Variants in GALNT17 observed in about 807,000 individuals in gnomAD.
The protein encoded by GALNT17 is polypeptide N-acetylgalactosaminyltransferase 17, also known as UDP-GalNAc:polypeptide N-acetylgalactosaminyltransferase-like 3.
GALNT17 carries 29 observed loss-of-function variants against 63.7 expected under a neutral mutation model. That is an observed-to-expected ratio of 0.46 (90% CI 0.34 to 0.62). GALNT17 has a LOEUF of 0.62. Ranked by LOEUF, GALNT17 falls within the 20% of genes least tolerant of loss-of-function variation. GALNT17 has a pLI of 0.01. For missense variants in GALNT17, 603 were observed against 799.6 expected (o/e 0.75, Z 2.97); for synonymous variants, 305 against 318.3 (o/e 0.96, Z 0.45).
chr7:71,411,907 T>C (rs547262553), intron 3 of GALNT17, among the ~76,000 whole-genome samples: 13 of 152,342 alleles, frequency 8.5e-5, no homozygotes, highest in Admixed American at 2.6e-4. Flanking sequence ...ATAAAATGAA[T>C]GCACATATCC....
chr7:71,403,095 G>C (rs1455138293), intron 3 of GALNT17, among the ~76,000 whole-genome samples: 3 of 152,190 alleles, frequency 2.0e-5, no homozygotes, highest in Non-Finnish European at 2.9e-5. Context: ...AGGGAGGAAA[G>C]AATGAGAGTG....
intron 9 of GALNT17, among the ~76,000 whole-genome samples, chr7:71,702,437 G>C (rs1284028838): frequency 6.6e-6 from 1 of 152,136 alleles, no homozygotes. Flanking sequence ...TCAAGGAAAA[G>C]TCTCAGCAAA....
chr7:71,467,775 A>C (rs1787560974), intron 5 of GALNT17, among the ~76,000 whole-genome samples: 1 of 148,756 alleles, frequency 6.7e-6, no homozygotes, highest in Non-Finnish European at 1.5e-5. Context: ...AAAAAAAAAC[A>C]AACAAAAAAA....
chr7:71,238,494 G>A (rs1009972999), intron 1 of GALNT17, among the ~76,000 whole-genome samples: 2 of 152,008 alleles, frequency 1.3e-5, no homozygotes, highest in African/African-American at 4.8e-5. Flanking sequence ...CAAAGTGTTG[G>A]GGTTACAGGC....
chr7:71,420,692 G>A (rs932781498), intron 4 of GALNT17, among the ~76,000 whole-genome samples: 2 of 152,156 alleles, frequency 1.3e-5, no homozygotes, highest in Non-Finnish European at 2.9e-5. Flanking sequence ...TCCAACAAGG[G>A]GAAAGGGGTG....
intron 3 of GALNT17, among the ~76,000 whole-genome samples, chr7:71,393,768 A>G (rs1189644884): frequency 6.6e-6 from 1 of 152,156 alleles, no homozygotes; most frequent in Non-Finnish European, 1.5e-5. Flanking sequence ...CAGTTTGAAT[A>G]TTGACATTGG....
intron 1 of GALNT17, among the ~76,000 whole-genome samples, chr7:71,218,342 G>A (rs925048262): frequency 1.3e-5 from 2 of 152,154 alleles, no homozygotes; most frequent in Admixed American, 1.3e-4. Flanking sequence ...ATCTTCTGTT[G>A]TGTTTTTGTT....
chr7:71,159,192 C>G (rs974158695), intron 1 of GALNT17, among the ~76,000 whole-genome samples: 3 of 151,664 alleles, frequency 2.0e-5, no homozygotes, highest in Non-Finnish European at 4.4e-5. Context: ...GGAATAGACT[C>G]TGAAATTATT....
At chr7:71,265,745 G>A (rs563551105) in intron 1 of GALNT17, among the ~76,000 whole-genome samples, 1 of 152,294 alleles carries the variant, frequency 6.6e-6, no homozygotes, top group Admixed American at 6.5e-5. Flanking sequence ...ATGGGTGGAG[G>A]CGTGGTGGGA....
intron 5 of GALNT17, among the ~76,000 whole-genome samples, chr7:71,461,961 G>T (rs931884933): frequency 6.6e-6 from 1 of 152,162 alleles, no homozygotes; most frequent in Non-Finnish European, 1.5e-5. Flanking sequence ...GGCTTAATTG[G>T]CTCAGTGTCC....
chr7:71,524,735 A>G (rs1263917994), intron 5 of GALNT17, among the ~76,000 whole-genome samples: 1 of 152,174 alleles, frequency 6.6e-6, no homozygotes, highest in East Asian at 1.9e-4. Flanking sequence ...ATCTTCCTGA[A>G]ATTAACATGG....
At position 71,183,635 on chromosome 7, in the gene GALNT17, G is replaced by A. The variant is rs1032009059; in HGVS notation, c.238+50595G>A. Among the ~76,000 whole-genome samples, 4 of 152,220 alleles carry A rather than the reference G, an allele frequency of 2.6e-5. No homozygotes were observed. The East Asian group carries it at 5.8e-4, about 22-fold the overall frequency. ...TTCTGTAAAAACCAACACACATTGCGCCTGTAATCCCAGCACTTTGGTAGG... is the reference window on the plus strand; with the variant it reads ...TTCTGTAAAAACCAACACACATTGCACCTGTAATCCCAGCACTTTGGTAGG... On this transcript the variant is annotated intron_variant, in intron 1 of 10. Transcript: ENST00000333538.
At chr7:71,550,382 GT>G (rs142501817) in intron 5 of GALNT17, among the ~76,000 whole-genome samples, 11,598 of 151,498 alleles carry the variant, frequency 0.077, 618 homozygotes, top group East Asian at 0.24. Flanking sequence ...TTTTGTGTGT[GT>G]TTTTTTTGTT....
chr7:71,228,922 G>C (rs1387473421), intron 1 of GALNT17, among the ~76,000 whole-genome samples: 2 of 151,796 alleles, frequency 1.3e-5, no homozygotes. Flanking sequence ...TCCCTCCTCG[G>C]CAAAGTACTG....
chr7:71,155,471 G>A (rs182778929), intron 1 of GALNT17, among the ~76,000 whole-genome samples: 2 of 151,546 alleles, frequency 1.3e-5, no homozygotes, highest in South Asian at 2.1e-4. Context: ...AGAGGGTTTC[G>A]CCATGTTGCC....
Position 71,646,747 on chromosome 7 carries a change from C to CTTTTTTTTTTTTTT in GALNT17, c.1081-18660_1081-18647dup, listed in dbSNP as rs60956531. Among the ~76,000 whole-genome samples, 2 of 128,110 alleles carry CTTTTTTTTTTTTTT rather than the reference C, an allele frequency of 1.6e-5. 1 individual carries two copies. The highest frequency in any genetic ancestry group is 3.2e-5 in the Non-Finnish European group (2 of 63,248). 84.0% of individuals were successfully genotyped at this position (128,110 alleles called of 152,430 possible). On this transcript the variant is annotated intron_variant, in intron 6 of 10. Coordinates refer to ENST00000333538, the MANE Select transcript of GALNT17 (RefSeq NM_022479.3). ...GTCCCAAAAGGGGCATCCAAGTTTC[C>CTTTTTTTTTTTTTT]TTTTTTTTTTTTTTTTTGAGATAGA...
chr7:71,229,520 G>T lies in GALNT17; in HGVS notation c.238+96480G>T, dbSNP rs1011740138. Among the ~76,000 whole-genome samples the T allele has an allele frequency of 6.6e-5, 10 of 152,330 alleles. No homozygotes were observed. In the South Asian group the frequency reaches 1.5e-3, roughly 22 times the overall value. ...TTGTGAGCTTGGCTCTCTGATAGCC[G>T]ATGAGTCTGAAGAGTAAGGCCAAAG... On this transcript the variant is annotated intron_variant, in intron 1 of 10. Coordinates refer to ENST00000333538, the MANE Select transcript of GALNT17 (RefSeq NM_022479.3).
At chr7:71,352,387 GGAA>G (rs1275545484) in intron 2 of GALNT17, among the ~76,000 whole-genome samples, 1 of 152,126 alleles carries the variant, frequency 6.6e-6, no homozygotes, top group Non-Finnish European at 1.5e-5. Context: ...TAGTAAGATG[GGAA>G]GAAGTAGAGA....
chr7:71,275,978 T>TA lies in GALNT17; in HGVS notation c.239-59571dup, dbSNP rs565249884. The stretch of plus-strand genomic sequence containing the variant: ...TCCTTAGCTACTTATACCCCTGGCC[T>TA]ACTTGTTTCATTTTCTTCATAGCAC... On this transcript the variant is annotated intron_variant, in intron 1 of 10. Transcript: ENST00000333538. 2.9e-4 allele frequency among the ~76,000 whole-genome samples: 44 copies of TA among 152,358 alleles called. No homozygotes were observed. In the East Asian group the frequency reaches 7.1e-3, roughly 25 times the overall value.
Sources: allele counts gnomAD v4.1 joint callset (sites outside exome capture counted in the v4.1 genomes callset), GRCh38; gene constraint gnomAD v4.1.1; transcripts MANE v1.5; gene names NCBI Gene and HGNC (gene_info 2026-07-23, HGNC 2026-07-21).